The following RFX4 variants were observed in gnomAD, a reference collection of about 807,000 sequenced individuals.
RFX4 encodes transcription factor RFX4.
A neutral mutation model predicts 95.0 loss-of-function variants in RFX4; 10 were observed. The observed-to-expected ratio is 0.11, with a 90% confidence interval of 0.06 to 0.18. RFX4 has a LOEUF of 0.18. Ranked by LOEUF, RFX4 falls within the 10% of genes least tolerant of loss-of-function variation. The probability of loss-of-function intolerance (pLI) is 1.00; values close to 1 mark genes in which losing one functional copy is unlikely to be tolerated. For missense variants in RFX4, 640 were observed against 922.0 expected (o/e 0.69, Z 3.96); for synonymous variants, 321 against 340.7 (o/e 0.94, Z 0.64).
At chr12:106,732,814 A>G in intron 14 of RFX4, 110 bp from the exon 15 acceptor site, 1 of 1,089,350 alleles carries the variant, frequency 9.2e-7, no homozygotes. Context: ...GAAGAGTTTG[A>G]CAAGAGAGTG....
intron 13 of RFX4, among the ~76,000 whole-genome samples, chr12:106,728,169 A>G (rs2042540704): frequency 6.6e-6 from 1 of 152,036 alleles, no homozygotes; most frequent in Admixed American, 6.6e-5. Flanking sequence ...CAACTATATT[A>G]CCATATAACA....
intron 17 of RFX4, among the ~76,000 whole-genome samples, chr12:106,752,276 T>C (rs1437531315): frequency 6.6e-6 from 1 of 151,474 alleles, no homozygotes; most frequent in Non-Finnish European, 1.5e-5. Context: ...CTGAGGGCTC[T>C]GTTCTGTTCC....
chr12:106,738,191 C>G (rs752404828), intron 15 of RFX4, among the ~76,000 whole-genome samples: 3 of 152,178 alleles, frequency 2.0e-5, no homozygotes, highest in Non-Finnish European at 4.4e-5. Flanking sequence ...CAGGGAGACA[C>G]ACACGAGTCT....
At position 106,683,486 on chromosome 12, in the gene RFX4, A is replaced by C. The variant is rs945352236; in HGVS notation, c.377+1432A>C. 447 of 149,836 alleles carry C rather than the reference A, an allele frequency of 3.0e-3. 5 individuals are homozygous for C. The highest frequency in any genetic ancestry group is 0.011 in the African/African-American group (434 of 40,980). The allele number at this position is 149,836 out of a possible 1,614,324, so 9.3% of individuals were successfully genotyped here. ...ATTCTGAAAAAAAAAAAAAAAAAAAAAAAAAAAAAACAAACCTCAGTTATA... is the reference window on the plus strand; with the variant it reads ...ATTCTGAAAAAAAAAAAAAAAAAAACAAAAAAAAAACAAACCTCAGTTATA... On this transcript the variant is annotated intron_variant, in intron 5 of 17. Coordinates refer to ENST00000392842, the MANE Select transcript of RFX4 (RefSeq NM_213594.3).
At chr12:106,630,711 G>T (rs2040402428) in intron 2 of RFX4, among the ~76,000 whole-genome samples, 1 of 152,176 alleles carries the variant, frequency 6.6e-6, no homozygotes, top group Non-Finnish European at 1.5e-5. Context: ...AACCTTTCCT[G>T]GGATTTGAAA....
chr12:106,750,395 T>C (rs1483417182), intron 16 of RFX4, among the ~76,000 whole-genome samples: 1 of 150,340 alleles, frequency 6.7e-6, no homozygotes, highest in Non-Finnish European at 1.5e-5. Context: ...GAGAATCATT[T>C]GAACCCAGGA....
chr12:106,641,489 AC>A (rs928208589), intron 3 of RFX4, among the ~76,000 whole-genome samples: 7 of 152,206 alleles, frequency 4.6e-5, no homozygotes, highest in Non-Finnish European at 7.3e-5. Flanking sequence ...CACAGGGACC[AC>A]CTGGAGCAGG....
intron 2 of RFX4, among the ~76,000 whole-genome samples, chr12:106,622,574 A>C (rs144257986): frequency 3.3e-5 from 5 of 151,556 alleles, no homozygotes; most frequent in Admixed American, 3.3e-4. Context: ...AAGCTCAAGC[A>C]TACTTGCATT....
chr12:106,660,641 C>T (rs1205498630), intron 4 of RFX4, among the ~76,000 whole-genome samples: 1 of 152,086 alleles, frequency 6.6e-6, no homozygotes, highest in Non-Finnish European at 1.5e-5. Context: ...TTGTAAGCTG[C>T]ATTTCAGTAG....
chr12:106,740,428 C>T (rs1050658815), intron 15 of RFX4, among the ~76,000 whole-genome samples: 3 of 152,146 alleles, frequency 2.0e-5, no homozygotes, highest in Non-Finnish European at 4.4e-5. Flanking sequence ...TCTTTCGTCC[C>T]TGCTACTTCC....
chr12:106,684,875 C>G, intron 5 of RFX4: 1 of 1,605,530 alleles, frequency 6.2e-7, no homozygotes, highest in Non-Finnish European at 8.5e-7. Context: ...CAGATAGATT[C>G]GAGATGCCCA....
At chr12:106,750,394 T>C (rs1207651453) in intron 16 of RFX4, among the ~76,000 whole-genome samples, 7 of 150,916 alleles carry the variant, frequency 4.6e-5, no homozygotes, top group African/African-American at 1.7e-4. Context: ...GGAGAATCAT[T>C]TGAACCCAGG....
intron 2 of RFX4, among the ~76,000 whole-genome samples, chr12:106,637,135 A>T (rs1229019339): frequency 6.6e-6 from 1 of 152,208 alleles, no homozygotes. Flanking sequence ...AATTACCATG[A>T]TTGTTGTAAA....
At position 106,748,835 on chromosome 12, in the gene RFX4, C is replaced by T. The variant is rs1293740921; in HGVS notation, c.1796+1236C>T. Among the ~76,000 whole-genome samples the T allele has an allele frequency of 5.9e-5, 9 of 152,066 alleles. No individual in the cohort carries two copies. In the South Asian group the frequency reaches 8.3e-4, roughly 14 times the overall value. On this transcript the variant is annotated intron_variant, in intron 16 of 17. Transcript: ENST00000392842. The stretch of plus-strand genomic sequence containing the variant: ...GCGCAGTGGCTCACACCTGTAATCC[C>T]AGCACTTTGGGAGGCCAAGGCGGGG...
At chr12:106,628,119 C>T (rs1464218517) in intron 2 of RFX4, among the ~76,000 whole-genome samples, 2 of 152,220 alleles carry the variant, frequency 1.3e-5, no homozygotes, top group Non-Finnish European at 2.9e-5. Flanking sequence ...CCCTTCCTCA[C>T]CTCCATGCCC....
intron 1 of RFX4, among the ~76,000 whole-genome samples, chr12:106,602,617 C>T (rs568375867): frequency 6.6e-6 from 1 of 152,308 alleles, no homozygotes; most frequent in East Asian, 1.9e-4. Flanking sequence ...TGCCATTCCT[C>T]AAACAAGTCA....
At chr12:106,701,348 CTCAATGCTTTGTGTTGTTT>C (rs2041986173) in intron 8 of RFX4, among the ~76,000 whole-genome samples, 1 of 152,144 alleles carries the variant, frequency 6.6e-6, no homozygotes. Context: ...CATGATGTGT[CTCAATGCTTTGTGTTGTTT>C]TCAATCCTAC....
chr12:106,587,685 C>T (rs1489601030), intron 1 of RFX4, among the ~76,000 whole-genome samples: 2 of 152,244 alleles, frequency 1.3e-5, no homozygotes, highest in Non-Finnish European at 2.9e-5. Context: ...GCCCGCCTCC[C>T]CAGGAGCCAC....
At chr12:106,707,878 A>T (rs917117670) in intron 8 of RFX4, among the ~76,000 whole-genome samples, 3 of 152,240 alleles carry the variant, frequency 2.0e-5, no homozygotes, top group Non-Finnish European at 4.4e-5. Flanking sequence ...CACGCCTGTA[A>T]TCCCAGCGCT....
Sources: gnomAD v4.1 joint callset for allele counts (sites outside exome capture counted in the v4.1 genomes callset) on GRCh38, gnomAD v4.1.1 for gene constraint, MANE v1.5 for transcripts, NCBI Gene and HGNC (gene_info 2026-07-23, HGNC 2026-07-21) for gene names.